Variants in MAGI2 observed in about 807,000 individuals in gnomAD.
MAGI2 encodes the protein membrane associated guanylate kinase, WW and PDZ domain containing 2.
A neutral mutation model predicts 133.3 loss-of-function variants in MAGI2; 35 were observed. The ratio of observed to expected loss-of-function variants is 0.26; its 90% CI spans 0.20 to 0.35. The LOEUF (loss-of-function observed/expected upper bound fraction) is 0.35, where lower values mean the gene tolerates loss of function less well. Among genes scored for constraint, MAGI2 ranks in the 10% least tolerant of loss-of-function variants. The probability of loss-of-function intolerance (pLI) is 1.00; values close to 1 mark genes in which losing one functional copy is unlikely to be tolerated. For missense variants in MAGI2, 1,636 were observed against 1,863.4 expected (o/e 0.88, Z 2.25); for synonymous variants, 729 against 710.6 (o/e 1.03, Z -0.41).
At chr7:78,484,754 G>A (rs564117690) in intron 6 of MAGI2, 2 of 152,108 alleles carry the variant, frequency 1.3e-5, no homozygotes, top group East Asian at 3.9e-4. Flanking sequence ...AAGAAAATGA[G>A]CAGTTATTTA....
chr7:78,478,850 C>A (rs1477409208), intron 6 of MAGI2, among the ~76,000 whole-genome samples: 1 of 151,944 alleles, frequency 6.6e-6, no homozygotes, highest in Non-Finnish European at 1.5e-5. Context: ...CATCAACAAA[C>A]AACAAAAGCA....
intron 9 of MAGI2, among the ~76,000 whole-genome samples, chr7:78,290,218 C>T (rs991327760): frequency 6.6e-6 from 1 of 152,142 alleles, no homozygotes; most frequent in Admixed American, 6.5e-5. Context: ...ATCTCACATG[C>T]AGAGACACAC....
chr7:78,200,272 G>A (rs552246440), intron 11 of MAGI2, among the ~76,000 whole-genome samples: 1 of 152,300 alleles, frequency 6.6e-6, no homozygotes, highest in African/African-American at 2.4e-5. Flanking sequence ...TGGGATGCCA[G>A]AAAACCAGTC....
rs71085562 is a variant in MAGI2, at chr7:78,760,361, CT to C, written c.419-133123del. Among the ~76,000 whole-genome samples, 951 of 124,634 alleles carry C rather than the reference CT, an allele frequency of 7.6e-3. 8 individuals carry two copies. Among genetic ancestry groups the C allele is most frequent in the South Asian group, 0.036 (134 of 3,730 alleles). 81.8% of individuals were successfully genotyped at this position (124,634 alleles called of 152,430 possible). On this transcript the variant is annotated intron_variant, in intron 2 of 21. Transcript: ENST00000354212. ...TCCTACAACTGGACTTTAATTCTCT[CT>C]TTTTTTTTTTTTTTTTTGAGATGAA...
At chr7:79,077,400 C>CA (rs546925760) in intron 1 of MAGI2, among the ~76,000 whole-genome samples, 3,972 of 142,530 alleles carry the variant, frequency 0.028, 78 homozygotes, top group African/African-American at 0.045. Context: ...TAATAAAATA[C>CA]AAAAAAAAAA....
intron 2 of MAGI2, among the ~76,000 whole-genome samples, chr7:78,947,744 T>C (rs1801536210): frequency 6.6e-6 from 1 of 152,122 alleles, no homozygotes. Context: ...GGTCAGTTGC[T>C]AGCTTGGGAT....
At chr7:79,185,163 T>C (rs1826966683) in intron 1 of MAGI2, among the ~76,000 whole-genome samples, 1 of 151,728 alleles carries the variant, frequency 6.6e-6, no homozygotes, top group African/African-American at 2.4e-5. Context: ...CTGAGAGAAA[T>C]GATTAAATTG....
At position 78,550,670 on chromosome 7, in the gene MAGI2, C is replaced by T. The variant is rs1301101773; in HGVS notation, c.539-29025G>A. Among the ~76,000 whole-genome samples the T allele has an allele frequency of 2.0e-5, 3 of 152,056 alleles. No individual in the cohort carries two copies. The East Asian group carries it at 5.8e-4, about 29-fold the overall frequency. The stretch of plus-strand genomic sequence containing the variant: ...ATTTTAAAATAAAAGTTTTGTGATC[C>T]TTGATACTGTTTTTTACATTAATGT... On this transcript the variant is annotated intron_variant, in intron 3 of 21. Coordinates refer to ENST00000354212, the MANE Select transcript of MAGI2 (RefSeq NM_012301.4).
intron 2 of MAGI2, among the ~76,000 whole-genome samples, chr7:78,808,459 T>C (rs1302311350): frequency 6.6e-6 from 1 of 152,138 alleles, no homozygotes; most frequent in Non-Finnish European, 1.5e-5. Context: ...GGTTTTACCA[T>C]GTTAGCCAGG....
At chr7:79,451,671 A>AT (rs1849264397) in intron 1 of MAGI2, among the ~76,000 whole-genome samples, 4 of 152,204 alleles carry the variant, frequency 2.6e-5, no homozygotes, top group Admixed American at 2.0e-4. Flanking sequence ...TTAGAGAATA[A>AT]TTTAACAGTG....
chr7:78,098,165 G>C (rs576183225), intron 20 of MAGI2, among the ~76,000 whole-genome samples: 1 of 152,226 alleles, frequency 6.6e-6, no homozygotes, highest in African/African-American at 2.4e-5. Context: ...AATGTCTTCA[G>C]GATAGAGTTG....
intron 1 of MAGI2, among the ~76,000 whole-genome samples, chr7:79,184,634 G>T (rs1826910637): frequency 6.6e-6 from 1 of 151,662 alleles, no homozygotes; most frequent in Admixed American, 6.6e-5. Context: ...GAGAAAAGCA[G>T]AAGGAAAGCT....
chr7:78,510,073 T>C (rs1795437410), intron 4 of MAGI2, among the ~76,000 whole-genome samples: 1 of 151,952 alleles, frequency 6.6e-6, no homozygotes, highest in Admixed American at 6.6e-5. Context: ...ACATTTAAGC[T>C]GAGAGAAAAA....
chr7:78,713,573 C>T (rs1185982758), intron 2 of MAGI2, among the ~76,000 whole-genome samples: 1 of 152,156 alleles, frequency 6.6e-6, no homozygotes, highest in Non-Finnish European at 1.5e-5. Flanking sequence ...CCAACTATCC[C>T]TCTTCTGAAA....
At chr7:79,277,814 A>G (rs552745336) in intron 1 of MAGI2, among the ~76,000 whole-genome samples, 1 of 152,280 alleles carries the variant, frequency 6.6e-6, no homozygotes, top group East Asian at 1.9e-4. Context: ...TCTACAATCC[A>G]GAAATTACTT....
chr7:78,100,579 TG>T (rs1359750258), intron 20 of MAGI2, among the ~76,000 whole-genome samples: 4 of 151,858 alleles, frequency 2.6e-5, no homozygotes, highest in Non-Finnish European at 5.9e-5. Context: ...CTCAAACTCC[TG>T]GGCTCAAGTG....
Position 78,428,956 on chromosome 7 carries a change from C to T in MAGI2, c.1046-59743G>A, listed in dbSNP as rs547602284. ...TCCTGTATACACATTTACCATATAG[C>T]GTAATGGCAGATATAATGCTGTGTT... On this transcript the variant is annotated intron_variant, in intron 6 of 21. Coordinates refer to ENST00000354212, the MANE Select transcript of MAGI2 (RefSeq NM_012301.4). 9.2e-5 allele frequency among the ~76,000 whole-genome samples: 14 copies of T among 152,160 alleles called. No individual in the cohort carries two copies. In the East Asian group the frequency reaches 2.7e-3, roughly 29 times the overall value.
rs535947069 is a variant in MAGI2 at position 79,181,030 on chromosome 7, T to C, written c.302-173824A>G. Among the ~76,000 whole-genome samples, 42 of 152,018 alleles carry C rather than the reference T, an allele frequency of 2.8e-4. 1 individual carries two copies. The highest frequency in any genetic ancestry group is 1.0e-3 in the African/African-American group (42 of 41,368). ...CTTGGGCAGCTCCACCTCTATGGCT[T>C]TGCAGGGTACAGTCTCCCTCCAAGC... is the stretch of plus-strand genomic sequence containing the variant. On this transcript the variant is annotated intron_variant, in intron 1 of 21. Coordinates refer to ENST00000354212, the MANE Select transcript of MAGI2 (RefSeq NM_012301.4).
At chr7:78,851,598 GT>G (rs938679685) in intron 2 of MAGI2, among the ~76,000 whole-genome samples, 1 of 151,954 alleles carries the variant, frequency 6.6e-6, no homozygotes, top group African/African-American at 2.4e-5. Context: ...TTTTTACATT[GT>G]TTTTTCTACC....
Sources: gnomAD v4.1 joint callset for allele counts (sites outside exome capture counted in the v4.1 genomes callset) on GRCh38, gnomAD v4.1.1 for gene constraint, MANE v1.5 for transcripts, NCBI Gene and HGNC (gene_info 2026-07-23, HGNC 2026-07-21) for gene names.